The following MAD1L1 variants were observed in gnomAD, a reference collection of about 807,000 sequenced individuals.
MAD1L1 encodes the protein mitotic spindle assembly checkpoint protein MAD1.
A neutral mutation model predicts 96.9 loss-of-function variants in MAD1L1; 95 were observed. The observed-to-expected ratio is 0.98, with a 90% CI of 0.83 to 1.16. The LOEUF is 1.16. MAD1L1 is among the 50% of genes most tolerant of loss of function. MAD1L1 has a pLI of 0.00. For missense variants in MAD1L1, 1,007 were observed against 954.4 expected (o/e 1.06, Z -0.73); for synonymous variants, 473 against 396.6 (o/e 1.19, Z -2.29).
intron 12 of MAD1L1, among the ~76,000 whole-genome samples, chr7:2,015,328 C>A (rs1400777469): frequency 1.3e-5 from 2 of 152,194 alleles, no homozygotes; most frequent in Non-Finnish European, 2.9e-5. Context: ...GGAGGCCACA[C>A]GCAGATCCCT....
At chr7:1,903,506 T>C (rs1210088932) in intron 17 of MAD1L1, among the ~76,000 whole-genome samples, 9 of 142,882 alleles carry the variant, frequency 6.3e-5, no homozygotes, top group Non-Finnish European at 7.5e-5. Flanking sequence ...TCAAGCACTG[T>C]TCCAGGCAGC....
intron 10 of MAD1L1, among the ~76,000 whole-genome samples, chr7:2,156,367 C>T (rs540015906): frequency 5.3e-5 from 8 of 152,208 alleles, no homozygotes; most frequent in Admixed American, 2.0e-4. Flanking sequence ...GCATGGACCA[C>T]CTGCACCAGA....
chr7:1,824,868 C>T (rs1243088901), intron 18 of MAD1L1, among the ~76,000 whole-genome samples: 3 of 151,972 alleles, frequency 2.0e-5, no homozygotes, highest in Admixed American at 6.5e-5. Context: ...ACACATGGGG[C>T]GAGCCGGGGA....
chr7:2,043,915 G>A (rs1444429452), intron 12 of MAD1L1, among the ~76,000 whole-genome samples: 1 of 152,262 alleles, frequency 6.6e-6, no homozygotes, highest in East Asian at 1.9e-4. Context: ...CACCGTGCAG[G>A]AACAGGGTGT....
At chr7:1,955,258 G>T (rs553468063) in intron 16 of MAD1L1, among the ~76,000 whole-genome samples, 108 of 152,370 alleles carry the variant, frequency 7.1e-4, no homozygotes, top group African/African-American at 2.6e-3. Context: ...GAGGGAGCGG[G>T]AGCAGGGAGA....
intron 12 of MAD1L1, among the ~76,000 whole-genome samples, chr7:2,060,066 T>C (rs1233770287): frequency 7.1e-6 from 1 of 140,314 alleles, no homozygotes; most frequent in Non-Finnish European, 1.6e-5. Flanking sequence ...TGCCGAGGTA[T>C]CAAGATACGC....
At chr7:2,144,986 C>T (rs1789222926) in intron 11 of MAD1L1, among the ~76,000 whole-genome samples, 1 of 152,176 alleles carries the variant, frequency 6.6e-6, no homozygotes, top group Non-Finnish European at 1.5e-5. Context: ...GAGAAACACA[C>T]AGGAGGCAAG....
intron 12 of MAD1L1, among the ~76,000 whole-genome samples, chr7:2,018,478 C>T (rs922925533): frequency 1.2e-4 from 18 of 152,328 alleles, no homozygotes; most frequent in Non-Finnish European, 1.9e-4. Context: ...GGGGCAGGCG[C>T]GTCCCGCACG....
At chr7:2,016,526 G>A (rs764977430) in intron 12 of MAD1L1, among the ~76,000 whole-genome samples, 13 of 152,188 alleles carry the variant, frequency 8.5e-5, no homozygotes, top group East Asian at 1.9e-4. Flanking sequence ...AGGAGAGACC[G>A]ACCCAGTGCT....
chr7:1,820,273 C>A (rs1782055584), intron 18 of MAD1L1, among the ~76,000 whole-genome samples: 1 of 152,062 alleles, frequency 6.6e-6, no homozygotes, highest in African/African-American at 2.4e-5. Flanking sequence ...GCCAGACGCA[C>A]CCAAGGCAGT....
chr7:2,202,743 C>A (rs1027969713), intron 10 of MAD1L1, among the ~76,000 whole-genome samples: 1 of 152,204 alleles, frequency 6.6e-6, no homozygotes, highest in Non-Finnish European at 1.5e-5. Context: ...ACTCAACAGC[C>A]GGGTAATTAC....
chr7:1,973,972 G>A (rs1780519561), intron 15 of MAD1L1, among the ~76,000 whole-genome samples: 1 of 152,248 alleles, frequency 6.6e-6, no homozygotes, highest in Non-Finnish European at 1.5e-5. Context: ...GGGCCACGCT[G>A]ATGCTGCTGG....
At chr7:2,075,520 G>C (rs555221507) in intron 11 of MAD1L1, among the ~76,000 whole-genome samples, 8 of 152,206 alleles carry the variant, frequency 5.3e-5, no homozygotes, top group African/African-American at 7.2e-5. Flanking sequence ...TGAGGTCACT[G>C]GCATTTCCGT....
At chr7:2,080,906 GC>G (rs1785608135) in intron 11 of MAD1L1, among the ~76,000 whole-genome samples, 1 of 152,214 alleles carries the variant, frequency 6.6e-6, no homozygotes, top group Non-Finnish European at 1.5e-5. Flanking sequence ...TGGCTCACAG[GC>G]GGTACCGCCG....
chr7:2,232,419 C>A (rs1330397777), intron 1 of MAD1L1, among the ~76,000 whole-genome samples: 1 of 152,238 alleles, frequency 6.6e-6, no homozygotes, highest in East Asian at 1.9e-4. Context: ...GAGAGCGGAC[C>A]GGCGCGAGCC....
chr7:1,942,030 C>G (rs566197012), intron 16 of MAD1L1, among the ~76,000 whole-genome samples: 4 of 152,322 alleles, frequency 2.6e-5, no homozygotes, highest in Admixed American at 2.6e-4. Flanking sequence ...CACGTCCCCA[C>G]CGTGATTCTG....
chr7:1,853,335 C>A (rs1424139095), intron 18 of MAD1L1, among the ~76,000 whole-genome samples: 1 of 152,222 alleles, frequency 6.6e-6, no homozygotes, highest in South Asian at 2.1e-4. Context: ...GTGGGTGGCA[C>A]AGCAACAGCA....
rs910247117 is a variant in MAD1L1 at position 2,103,317 on chromosome 7, C to T, written c.1074-33979G>A. 2.0e-5 allele frequency among the ~76,000 whole-genome samples: 3 copies of T among 152,114 alleles called. No individual in the cohort carries two copies. The highest frequency in any genetic ancestry group is 2.4e-5 in the African/African-American group (1 of 41,422). ...GGCCCTGCACACACAGTCATACCTG[C>T]GCTCCTGCACTCAGTGAAGGCCTGG... is the stretch of plus-strand genomic sequence containing the variant. On this transcript the variant is annotated intron_variant, in intron 11 of 18. Transcript: ENST00000265854. This position sits in a 1 kb window ranked among gnomAD's most constrained non-coding sequence, Gnocchi z 4.3.
intron 16 of MAD1L1, among the ~76,000 whole-genome samples, chr7:1,953,929 C>T (rs1386468264): frequency 2.0e-5 from 3 of 152,202 alleles, no homozygotes; most frequent in South Asian, 2.1e-4. Flanking sequence ...GGGATGCGCC[C>T]GCCCAGCCAG....
Sources: allele counts gnomAD v4.1 joint callset (sites outside exome capture counted in the v4.1 genomes callset), GRCh38; gene constraint gnomAD v4.1.1; non-coding constraint Gnocchi (gnomAD v3.1); transcripts MANE v1.5; gene names NCBI Gene and HGNC (gene_info 2026-07-23, HGNC 2026-07-21).